SPOCK1: variants seen among roughly 807,000 people sequenced by gnomAD.
SPOCK1 encodes the protein SPARC (osteonectin), cwcv and kazal like domains proteoglycan 1, also known as testican-1.
In SPOCK1, 23 loss-of-function variants were observed where a neutral mutation model predicts 55.3. The ratio of observed to expected loss-of-function variants is 0.42; its 90% CI spans 0.30 to 0.59. The LOEUF (loss-of-function observed/expected upper bound fraction) is 0.59. Ranked by LOEUF, SPOCK1 falls within the 20% of genes least tolerant of loss-of-function variation. The pLI, the probability that SPOCK1 is intolerant of heterozygous loss-of-function variation, is 0.22. For missense variants in SPOCK1, 499 were observed against 552.5 expected, an observed-to-expected ratio of 0.90 and a Z score of 0.97; for synonymous variants, 226 against 221.0, an observed-to-expected ratio of 1.02 and a Z score of -0.20.
rs116982021 is a variant in SPOCK1 at position 137,199,627 on chromosome 5, C to G, written c.233-58933G>C. Among the ~76,000 whole-genome samples, 717 of 152,156 alleles carry G rather than the reference C, an allele frequency of 4.7e-3. 29 individuals are homozygous for G. In the East Asian group the frequency reaches 0.1, roughly 21 times the overall value. On this transcript the variant is annotated intron_variant, in intron 3 of 10. Transcript: ENST00000394945. Reference sequence around the variant, plus strand: ...ACCACATTCTCATGAGTTTCCTCCCCCTTTCGAGCAATTTCCTCTCAGCCT... The same window carrying G: ...ACCACATTCTCATGAGTTTCCTCCCGCTTTCGAGCAATTTCCTCTCAGCCT...
chr5:137,256,540 T>C (rs1756636179), intron 3 of SPOCK1, among the ~76,000 whole-genome samples: 1 of 152,180 alleles, frequency 6.6e-6, no homozygotes, highest in African/African-American at 2.4e-5. Context: ...TAGGTAGGCA[T>C]GGCTCCATTC....
At chr5:137,357,676 G>A (rs1418949524) in intron 2 of SPOCK1, among the ~76,000 whole-genome samples, 1 of 152,180 alleles carries the variant, frequency 6.6e-6, no homozygotes, top group Non-Finnish European at 1.5e-5. Flanking sequence ...ATGCAACCCA[G>A]CTTGTACTGC....
At chr5:137,236,313 C>A (rs1377548804) in intron 3 of SPOCK1, among the ~76,000 whole-genome samples, 1 of 152,244 alleles carries the variant, frequency 6.6e-6, no homozygotes, top group Non-Finnish European at 1.5e-5. Flanking sequence ...TGCCGGCATG[C>A]ACACCAGGCC....
At chr5:137,311,876 T>A (rs948467748) in intron 2 of SPOCK1, among the ~76,000 whole-genome samples, 16 of 152,218 alleles carry the variant, frequency 1.1e-4, no homozygotes, top group African/African-American at 3.9e-4. Flanking sequence ...GAACTTTGCT[T>A]CATATCATTA....
chr5:137,012,727 G>C (rs1751374453), intron 6 of SPOCK1, among the ~76,000 whole-genome samples: 1 of 152,132 alleles, frequency 6.6e-6, no homozygotes, highest in Non-Finnish European at 1.5e-5. Context: ...GGCAAACACT[G>C]AAAATTATGA....
chr5:137,032,734 G>C (rs1439863137), intron 6 of SPOCK1, among the ~76,000 whole-genome samples: 1 of 152,170 alleles, frequency 6.6e-6, no homozygotes, highest in Non-Finnish European at 1.5e-5. Flanking sequence ...AGCCATCAGG[G>C]TTGCTGTGGT....
At chr5:137,167,213 A>C (rs1754664579) in intron 3 of SPOCK1, among the ~76,000 whole-genome samples, 1 of 152,084 alleles carries the variant, frequency 6.6e-6, no homozygotes, top group Non-Finnish European at 1.5e-5. Context: ...AACTATAAGA[A>C]TAGACCAAGA....
rs887611058 is a variant in SPOCK1 at position 137,351,044 on chromosome 5, G to A, written c.187-83989C>T. Among the ~76,000 whole-genome samples, 7 of 152,096 alleles carry A rather than the reference G, an allele frequency of 4.6e-5. No homozygotes were observed. In the East Asian group the frequency reaches 5.8e-4, roughly 13 times the overall value. The stretch of plus-strand genomic sequence containing the variant: ...CCAACTAGGGCTCAGTGGCAGGTTC[G>A]GCAAATTCCACATCTGTTTCAGAGA... On this transcript the variant is annotated intron_variant, in intron 2 of 10. Transcript: ENST00000394945.
chr5:137,487,352 A>AC (rs1224698372), intron 2 of SPOCK1, among the ~76,000 whole-genome samples: 15 of 151,762 alleles, frequency 9.9e-5, no homozygotes. Context: ...AAAAAAAAAA[A>AC]AACCTCTGGC....
chr5:137,150,076 CA>C (rs1435224989), intron 3 of SPOCK1, among the ~76,000 whole-genome samples: 3 of 152,138 alleles, frequency 2.0e-5, no homozygotes, highest in African/African-American at 7.2e-5. Flanking sequence ...AATGGATGTC[CA>C]CCAAGGGCAA....
intron 3 of SPOCK1, among the ~76,000 whole-genome samples, chr5:137,183,039 C>T (rs1754998160): frequency 6.6e-6 from 1 of 152,128 alleles, no homozygotes; most frequent in East Asian, 1.9e-4. Context: ...GCATGAGAAC[C>T]TCATGTACAT....
At chr5:137,337,281 A>G (rs376782817) in intron 2 of SPOCK1, among the ~76,000 whole-genome samples, 1 of 152,232 alleles carries the variant, frequency 6.6e-6, no homozygotes, top group South Asian at 2.1e-4. Flanking sequence ...TGGGACTATG[A>G]GGGAGAAAGC....
At chr5:137,066,963 T>TACACAC (rs147918575) in intron 6 of SPOCK1, among the ~76,000 whole-genome samples, 49,876 of 125,752 alleles carry the variant, frequency 0.4, 11,927 homozygotes, top group South Asian at 0.54. Context: ...AACATAAGCA[T>TACACAC]ACACACACAC....
At chr5:137,088,625 T>C (rs970695263) in intron 5 of SPOCK1, among the ~76,000 whole-genome samples, 2 of 152,176 alleles carry the variant, frequency 1.3e-5, no homozygotes, top group Non-Finnish European at 2.9e-5. Context: ...CAGTCATCTT[T>C]GTGTTGCAGG....
In SPOCK1 at chr5:137,192,232, C is replaced by CAA. The variant is rs60401497; in HGVS notation, c.233-51540_233-51539dup. ...TGGGTGACAGAGCAAGACTCTGTCT[C>CAA]AAAAAAAAAAAAAAAAAAAAAAAGA... On this transcript the variant is annotated intron_variant, in intron 3 of 10. Coordinates refer to ENST00000394945, the MANE Select transcript of SPOCK1 (RefSeq NM_004598.4). 4.8e-3 allele frequency among the ~76,000 whole-genome samples: 323 copies of CAA among 67,742 alleles called. 7 individuals carry two copies. Among genetic ancestry groups the CAA allele is most frequent in the Middle Eastern group, 0.022 (2 of 90 alleles). 44.4% of individuals were successfully genotyped at this position (67,742 alleles called of 152,430 possible).
chr5:136,978,868 A>T, intron 10 of SPOCK1, 24 bp from the exon 11 acceptor site: 1 of 1,590,620 alleles, frequency 6.3e-7, no homozygotes, highest in Non-Finnish European at 8.6e-7. Flanking sequence ...AAAAGCATTG[A>T]GGTTAGTTTC....
rs754705471 is a variant in SPOCK1 at position 136,976,162 on chromosome 5, T to C, written c.*2492A>G. 13 of 152,194 alleles carry C rather than the reference T, an allele frequency of 8.5e-5. No individual in the cohort carries two copies. The highest frequency in any genetic ancestry group is 1.6e-4 in the Non-Finnish European group (11 of 68,032). The allele number at this position is 152,194 out of a possible 1,614,324, so 9.4% of individuals were successfully genotyped here. On this transcript the variant is annotated 3_prime_UTR_variant, in exon 11 of 11. Coordinates refer to ENST00000394945, the MANE Select transcript of SPOCK1 (RefSeq NM_004598.4). ...CAATCTTTAGTACTCATGGAAAGTA[T>C]TAAAGATCTTTAAAAAAATCGAATG...
At chr5:137,185,658 C>T (rs1755054148) in intron 3 of SPOCK1, among the ~76,000 whole-genome samples, 1 of 151,944 alleles carries the variant, frequency 6.6e-6, no homozygotes, top group African/African-American at 2.4e-5. Context: ...ATGCAGAGAA[C>T]ATGGTGGGAT....
chr5:137,256,882 C>G (rs1240872350), intron 3 of SPOCK1, among the ~76,000 whole-genome samples: 1 of 152,198 alleles, frequency 6.6e-6, no homozygotes, highest in Non-Finnish European at 1.5e-5. Context: ...CATTTACCGT[C>G]TTGCTGTATT....
Sources: gnomAD v4.1 joint callset for allele counts (sites outside exome capture counted in the v4.1 genomes callset) on GRCh38, gnomAD v4.1.1 for gene constraint, MANE v1.5 for transcripts, NCBI Gene and HGNC (gene_info 2026-07-23, HGNC 2026-07-21) for gene names.